The following JRK variants were observed in gnomAD, a reference collection of about 807,000 sequenced individuals.
JRK encodes Jrk helix-turn-helix protein.
For synonymous variants in JRK, 303 were observed against 218.1 expected (o/e 1.39, Z -3.43); for missense variants, 720 against 509.2 (o/e 1.41, Z -3.98).
In JRK at chr8:142,661,753, G is replaced by A. The variant is rs1587519262; in HGVS notation, c.*2599C>T. 1.0e-6 allele frequency: 1 copy of A among 985,512 alleles called. No homozygotes were observed. Among genetic ancestry groups the A allele is most frequent in the Non-Finnish European group, 1.2e-6 (1 of 829,978 alleles). 61.0% of individuals were successfully genotyped at this position (985,512 alleles called of 1,614,324 possible). On this transcript the variant is annotated 3_prime_UTR_variant, in exon 2 of 2. Coordinates refer to ENST00000612905, the MANE Select transcript of JRK (RefSeq NM_003724.4). Reference sequence around the variant, plus strand: ...CAGCCTCACAGAGCTGTGCTGTGGTGTCTGGTACAGCGGGGCTCCACCTGA... The same window carrying A: ...CAGCCTCACAGAGCTGTGCTGTGGTATCTGGTACAGCGGGGCTCCACCTGA...
At chr8:142,650,623 G>A in the JRK span, among the ~76,000 whole-genome samples, 1 of 152,228 alleles carries the variant, frequency 6.6e-6, no homozygotes, top group Non-Finnish European at 1.5e-5. Context: ...TGCCATCCAT[G>A]TAAGATGTGA....
At position 142,666,149 on chromosome 8, in the gene JRK, G is replaced by C; in HGVS notation, c.-91C>G. ...CCCTCTCCTCCTGCTCCCCTTCTGGGGCTCCGTCTCTCCCTCTCCACTCTG... is the reference window on the plus strand; with the variant it reads ...CCCTCTCCTCCTGCTCCCCTTCTGGCGCTCCGTCTCTCCCTCTCCACTCTG... On this transcript the variant is annotated 5_prime_UTR_variant, in exon 2 of 2. Coordinates refer to ENST00000612905, the MANE Select transcript of JRK (RefSeq NM_003724.4). 6.5e-7 allele frequency: 1 copy of C among 1,547,010 alleles called. No individual in the cohort carries two copies. Among genetic ancestry groups the C allele is most frequent in the Non-Finnish European group, 8.7e-7 (1 of 1,145,552 alleles).
chr8:142,656,792 A>G (rs587605310), downstream of JRK, among the ~76,000 whole-genome samples: 8 of 152,174 alleles, frequency 5.3e-5, no homozygotes, highest in Admixed American at 2.0e-4. Context: ...CAACTTTGGG[A>G]GCTGAGCGTT....
chr8:142,664,771 C>G lies in JRK; in HGVS notation c.1288G>C (p.Gly430Arg). The G allele has an allele frequency of 6.3e-7, 1 of 1,589,624 alleles. No individual in the cohort carries two copies. The highest frequency in any genetic ancestry group is 1.1e-5 in the South Asian group (1 of 87,562). The change falls in exon 2 of 2, where the codon GGC (glycine) becomes CGC (arginine). Residue 430 changes from glycine (G) to arginine (R), a missense_variant. Transcript: ENST00000612905. ...GCGGCCTGGCGCTGGCGAAGCTGGC[C>G]CGGGCAGGAGGAGCCTTCCTTCACA... ...ELVKEGSSCP[G>R]QLRQRQAASW... is the part of the protein sequence containing the mutation.
Position 142,666,079 on chromosome 8 carries a change from A to T in JRK, c.-21T>A, listed in dbSNP as rs377434719. 1.9e-6 allele frequency: 3 copies of T among 1,596,736 alleles called. No individual in the cohort carries two copies. The African/African-American group carries it at 4.0e-5, about 21-fold the overall frequency. On this transcript the variant is annotated 5_prime_UTR_variant, in exon 2 of 2. Transcript: ENST00000612905. The stretch of plus-strand genomic sequence containing the variant: ...GCCATGGGGAGGGGTGGCTGGTCCT[A>T]GCACTTGCAGGACACACGCCTGGCC...
chr8:142,668,412 CT>C (rs1847198952), intron 1 of JRK, among the ~76,000 whole-genome samples: 1 of 152,184 alleles, frequency 6.6e-6, no homozygotes, highest in African/African-American at 2.4e-5. Flanking sequence ...GCATTGTTCG[CT>C]GAGGGTGACG....
At chr8:142,656,886 A>G (rs141049287), downstream of JRK, among the ~76,000 whole-genome samples, 1,267 of 152,216 alleles carry the variant, frequency 8.3e-3, 24 homozygotes, top group African/African-American at 0.03. Flanking sequence ...AAGCCCACTA[A>G]GAGTTGTTGC....
chr8:142,646,908 G>A, the JRK span, among the ~76,000 whole-genome samples: 1 of 152,050 alleles, frequency 6.6e-6, no homozygotes, highest in Non-Finnish European at 1.5e-5. Flanking sequence ...AGACTTGCAA[G>A]CTCTTGATAA....
At chr8:142,650,274 C>T in the JRK span, among the ~76,000 whole-genome samples, 5,318 of 152,274 alleles carry the variant, frequency 0.035, 119 homozygotes, top group Non-Finnish European at 0.053. Context: ...CTTGCTTTGT[C>T]TCAGATGAGA....
At chr8:142,667,501 G>A (rs78167196) in intron 1 of JRK, among the ~76,000 whole-genome samples, 12 of 150,136 alleles carry the variant, frequency 8.0e-5, no homozygotes, top group African/African-American at 3.0e-4. Context: ...ACACATACAC[G>A]CTCAGAGGAC....
the JRK span, among the ~76,000 whole-genome samples, chr8:142,645,806 A>C: frequency 1.3e-5 from 2 of 152,204 alleles, no homozygotes; most frequent in African/African-American, 4.8e-5. Context: ...TTACTGTAGG[A>C]CTAAATTGAT....
the JRK span, among the ~76,000 whole-genome samples, chr8:142,651,585 C>A: frequency 4.7e-5 from 7 of 148,608 alleles, no homozygotes; most frequent in South Asian, 2.1e-4. Context: ...ACTTCAGAGG[C>A]CTTGTTCCCC....
Position 142,664,235 on chromosome 8 carries a change from G to A in JRK, c.*117C>T. On this transcript the variant is annotated 3_prime_UTR_variant, in exon 2 of 2. Coordinates refer to ENST00000612905, the MANE Select transcript of JRK (RefSeq NM_003724.4). ...CCCGTGGGCGACCCACTCCTGGAAG[G>A]GCTCTTGAGTGTCTGCACATGCCCT... 7.0e-7 allele frequency: 1 copy of A among 1,424,768 alleles called. No individual in the cohort carries two copies. The allele number at this position is 1,424,768 out of a possible 1,614,324, so 88.3% of individuals were successfully genotyped here.
rs1405928839 is a variant in JRK at position 142,665,145 on chromosome 8, G to A, written c.914C>T (p.Pro305Leu). ...ACTGGACACCAGCTCGGCCTCCTGC[G>A]GGTGAGCCCGGGAGCTGTCCAGCAA... ...VLLLDSSRAHPQEAELVSSNV... is the reference protein window; with the variant it reads ...VLLLDSSRAHLQEAELVSSNV... The change falls in exon 2 of 2, where the codon CCG becomes CTG. Residue 305 changes from proline (P) to leucine (L), a missense_variant. By Grantham distance (98) the Pro-to-Leu change is moderately conservative. Transcript: ENST00000612905. The A allele has an allele frequency of 8.4e-6, 6 of 717,706 alleles. No individual in the cohort carries two copies. Among genetic ancestry groups the A allele is most frequent in the Admixed American group, 4.0e-5 (2 of 50,008 alleles). The allele number at this position is 717,706 out of a possible 1,614,324, so 44.5% of individuals were successfully genotyped here.
chr8:142,647,533 G>C, the JRK span, among the ~76,000 whole-genome samples: 2 of 152,100 alleles, frequency 1.3e-5, no homozygotes, highest in Non-Finnish European at 2.9e-5. Context: ...TTTTAAAAAT[G>C]GGAGTTTCCC....
At position 142,658,982 on chromosome 8, in the gene JRK, T is replaced by A; in HGVS notation, c.*5370A>T. 1 of 1,600,542 alleles carries A rather than the reference T, an allele frequency of 6.2e-7. No individual in the cohort carries two copies. The highest frequency in any genetic ancestry group is 8.5e-7 in the Non-Finnish European group (1 of 1,173,260). On this transcript the variant is annotated 3_prime_UTR_variant, in exon 2 of 2. Transcript: ENST00000612905. ...AACTTTGCTGCTTCATGGAGGAGCG[T>A]CAGTATGTCCACACCATAGGGGTGT...
chr8:142,657,192 G>A (rs782641193), downstream of JRK, among the ~76,000 whole-genome samples: 11 of 152,190 alleles, frequency 7.2e-5, no homozygotes, highest in Non-Finnish European at 1.3e-4. Context: ...TGCTAGATGA[G>A]TCCTATACTC....
At chr8:142,648,018 G>T in the JRK span, among the ~76,000 whole-genome samples, 1 of 152,214 alleles carries the variant, frequency 6.6e-6, no homozygotes, top group African/African-American at 2.4e-5. Flanking sequence ...CAAAGAGACT[G>T]GTGGCATTCT....
rs1425720985 is a variant in JRK at position 142,664,878 on chromosome 8, C to A, written c.1181G>T (p.Gly394Val). Residue 394 changes from glycine (G) to valine (V), a missense_variant, in exon 2 of 2, where the codon GGC (glycine) becomes GTC (valine). Transcript: ENST00000612905. ...CTCCAACTCCTCCTCAGAGGAGGAG[C>A]CTTCGGCAAACGCAACCGACGGCCA... ...KLWPSVAFAE[G>V]SSSEEELEAE... 2 of 1,387,858 alleles carry A rather than the reference C, an allele frequency of 1.4e-6. No individual in the cohort carries two copies. The highest frequency in any genetic ancestry group is 1.7e-5 in the Admixed American group (1 of 59,030). The allele number at this position is 1,387,858 out of a possible 1,614,324, so 86.0% of individuals were successfully genotyped here.
Sources: gnomAD v4.1 joint callset for allele counts (sites outside exome capture counted in the v4.1 genomes callset) on GRCh38, gnomAD v4.1.1 for gene constraint, MANE v1.5 for transcripts, NCBI Gene and HGNC (gene_info 2026-07-23, HGNC 2026-07-21) for gene names.